The following GRIP1 variants were observed in gnomAD, a reference collection of about 807,000 sequenced individuals.
The protein encoded by GRIP1 is glutamate receptor interacting protein 1.
GRIP1 carries 45 observed loss-of-function variants against 129.9 expected under a neutral mutation model. The observed-to-expected ratio is 0.35, with a 90% CI of 0.27 to 0.44. The LOEUF is 0.44. Ranked by LOEUF, GRIP1 falls within the 20% of genes least tolerant of loss-of-function variation. The probability of loss-of-function intolerance (pLI) is 1.00; values close to 1 mark genes in which losing one functional copy is unlikely to be tolerated. For synonymous variants in GRIP1, 530 were observed against 520.8 expected (o/e 1.02, Z -0.24); for missense variants, 1,196 against 1,396.8 (o/e 0.86, Z 2.29).
intron 1 of GRIP1, among the ~76,000 whole-genome samples, chr12:66,678,135 C>T (rs763836714): frequency 1.2e-4 from 18 of 151,990 alleles, no homozygotes; most frequent in African/African-American, 3.1e-4. Flanking sequence ...ACAAAGTAAA[C>T]GAGATGGCAC....
In GRIP1 at chr12:66,688,413, G is replaced by C. The variant is rs2034858578; in HGVS notation, c.-419-58077C>G. ...AAGTGCTTTACAAAGAGTACGACTG[G>C]CTATGAAAATAATATTCAAATATAT... On this transcript the variant is annotated intron_variant, in intron 1 of 4. Coordinates refer to the GRIP1 transcript ENST00000538373. Among the ~76,000 whole-genome samples the C allele has an allele frequency of 2.0e-5, 3 of 152,110 alleles. 1 individual carries two copies. In the South Asian group the frequency reaches 6.2e-4, roughly 31 times the overall value.
chr12:66,432,290 T>C (rs761039321), intron 14 of GRIP1, among the ~76,000 whole-genome samples: 4 of 152,114 alleles, frequency 2.6e-5, no homozygotes, highest in Non-Finnish European at 5.9e-5. Context: ...TATTCAATAA[T>C]TAAAACAATC....
chr12:66,766,491 C>T (rs12578682), intron 1 of GRIP1, among the ~76,000 whole-genome samples: 8,337 of 152,206 alleles, frequency 0.055, 400 homozygotes, highest in East Asian at 0.18. Flanking sequence ...GACTATGTCC[C>T]CCACCAGACT....
In GRIP1 at chr12:66,347,681, C is replaced by G. The variant is rs1255846573; in HGVS notation, c.*1338G>C. 1 of 151,860 alleles carries G rather than the reference C, an allele frequency of 6.6e-6. No homozygotes were observed. The highest frequency in any genetic ancestry group is 6.6e-5 in the Admixed American group (1 of 15,252). 9.4% of individuals were successfully genotyped at this position (151,860 alleles called of 1,614,324 possible). A position where few individuals can be genotyped will look rare whatever the true frequency, so the allele number is the denominator to read the frequency against. On this transcript the variant is annotated 3_prime_UTR_variant, in exon 25 of 25. Coordinates refer to ENST00000359742, the MANE Select transcript of GRIP1 (RefSeq NM_001366722.1). Reference sequence around the variant, plus strand: ...TTTTTTCTTTTTTCTTAACATGATCCTGCTTTATACTTTCTTGCCCTGGCG... The same window carrying G: ...TTTTTTCTTTTTTCTTAACATGATCGTGCTTTATACTTTCTTGCCCTGGCG...
intron 1 of GRIP1, among the ~76,000 whole-genome samples, chr12:66,666,532 G>A (rs2033806907): frequency 6.6e-6 from 1 of 151,844 alleles, no homozygotes; most frequent in Non-Finnish European, 1.5e-5. Context: ...TAATTAATTT[G>A]TCATTATTAA....
intron 1 of GRIP1, among the ~76,000 whole-genome samples, chr12:66,812,493 T>C (rs1448748165): frequency 6.6e-6 from 1 of 152,238 alleles, no homozygotes; most frequent in African/African-American, 2.4e-5. Context: ...TGTTCATTTA[T>C]TTACTCAATT....
intron 1 of GRIP1, among the ~76,000 whole-genome samples, chr12:66,659,707 TG>T (rs1472699250): frequency 6.6e-6 from 1 of 152,208 alleles, no homozygotes; most frequent in Non-Finnish European, 1.5e-5. Flanking sequence ...ATGTTTTGTA[TG>T]TTCTCTAAAC....
intron 1 of GRIP1, among the ~76,000 whole-genome samples, chr12:66,674,317 A>G (rs1208421277): frequency 2.0e-5 from 3 of 152,242 alleles, no homozygotes; most frequent in East Asian, 1.9e-4. Context: ...CAAGGCCACC[A>G]GCAAAGGAGC....
At chr12:66,883,470 A>G (rs540294946) in intron 1 of GRIP1, among the ~76,000 whole-genome samples, 5 of 152,304 alleles carry the variant, frequency 3.3e-5, no homozygotes, top group Non-Finnish European at 7.4e-5. Flanking sequence ...AGCCCTGACC[A>G]TGTTTACATT....
At chr12:66,973,969 G>C (rs1367782280) in intron 1 of GRIP1, among the ~76,000 whole-genome samples, 3 of 142,768 alleles carry the variant, frequency 2.1e-5, no homozygotes, top group Non-Finnish European at 4.5e-5. Flanking sequence ...GCCCAGACTG[G>C]AGTAGTGTAA....
chr12:66,415,120 AAACT>A (rs1468742336), intron 15 of GRIP1, among the ~76,000 whole-genome samples: 2 of 152,018 alleles, frequency 1.3e-5, no homozygotes, highest in African/African-American at 4.8e-5. Flanking sequence ...GCAACAAAAG[AAACT>A]TTGATAAATG....
chr12:66,792,109 G>A (rs1191828831), intron 1 of GRIP1, among the ~76,000 whole-genome samples: 2 of 152,144 alleles, frequency 1.3e-5, no homozygotes, highest in African/African-American at 4.8e-5. Flanking sequence ...CCTGATAAAT[G>A]TAAGAGCTAC....
intron 1 of GRIP1, among the ~76,000 whole-genome samples, chr12:66,641,744 T>C (rs2031945826): frequency 1.3e-5 from 2 of 152,186 alleles, no homozygotes; most frequent in African/African-American, 2.4e-5. Flanking sequence ...CCCAAGGGCA[T>C]TAATTCTGTG....
intron 1 of GRIP1, among the ~76,000 whole-genome samples, chr12:66,776,646 A>G (rs974681922): frequency 7.9e-5 from 12 of 152,230 alleles, no homozygotes; most frequent in Non-Finnish European, 1.6e-4. Flanking sequence ...TAATCGCTGT[A>G]AAGTGCAAAT....
At chr12:66,383,270 C>G (rs2056199190) in intron 19 of GRIP1, among the ~76,000 whole-genome samples, 1 of 151,386 alleles carries the variant, frequency 6.6e-6, no homozygotes. Context: ...GCACTCCAGC[C>G]TGGGCGACAG....
intron 19 of GRIP1, among the ~76,000 whole-genome samples, chr12:66,384,607 T>C (rs1179658876): frequency 1.3e-5 from 2 of 152,086 alleles, no homozygotes; most frequent in African/African-American, 4.8e-5. Flanking sequence ...TTTAAGGGAG[T>C]GGCATGACTA....
chr12:66,886,808 C>G (rs1464086964), intron 1 of GRIP1, among the ~76,000 whole-genome samples: 4 of 152,170 alleles, frequency 2.6e-5, no homozygotes, highest in Non-Finnish European at 1.5e-5. Flanking sequence ...TTGATCATGA[C>G]AACAATACCG....
At chr12:66,785,363 T>TATATA (rs5798837) in intron 1 of GRIP1, among the ~76,000 whole-genome samples, 3 of 141,668 alleles carry the variant, frequency 2.1e-5, no homozygotes, top group African/African-American at 5.2e-5. Flanking sequence ...TATATATATA[T>TATATA]TAGTTGGGCA....
intron 1 of GRIP1, among the ~76,000 whole-genome samples, chr12:66,987,907 G>A (rs554761764): frequency 2.8e-4 from 42 of 152,272 alleles, no homozygotes; most frequent in South Asian, 2.1e-3. Context: ...GGAAAGCCAC[G>A]GAATGAACGC....
Sources: gnomAD v4.1 joint callset for allele counts (sites outside exome capture counted in the v4.1 genomes callset) on GRCh38, gnomAD v4.1.1 for gene constraint, MANE v1.5 for transcripts, NCBI Gene and HGNC (gene_info 2026-07-23, HGNC 2026-07-21) for gene names.